The following CAMTA1 variants were observed in gnomAD, a reference collection of about 807,000 sequenced individuals.
CAMTA1 encodes calmodulin-binding transcription activator 1.
Under a neutral mutation model 170.9 loss-of-function variants are expected in CAMTA1, and 27 were observed. That is an observed-to-expected ratio of 0.16 (90% CI 0.12 to 0.22). The LOEUF is 0.22. Ranked by LOEUF, CAMTA1 falls within the 10% of genes least tolerant of loss-of-function variation. The probability of loss-of-function intolerance (pLI) is 1.00; values close to 1 mark genes in which losing one functional copy is unlikely to be tolerated. For synonymous variants in CAMTA1, 833 were observed against 891.5 expected (o/e 0.93, Z 1.17); for missense variants, 1,619 against 2,217.2 (o/e 0.73, Z 5.42).
At chr1:7,655,306 A>G (rs2095887067) in intron 7 of CAMTA1, among the ~76,000 whole-genome samples, 1 of 148,724 alleles carries the variant, frequency 6.7e-6, no homozygotes, top group African/African-American at 2.5e-5. Context: ...CTATACACAC[A>G]CACCGTTATA....
chr1:7,105,491 C>A (rs964792232), intron 4 of CAMTA1, among the ~76,000 whole-genome samples: 1 of 152,190 alleles, frequency 6.6e-6, no homozygotes, highest in African/African-American at 2.4e-5. Context: ...GAGGCAGAGG[C>A]GGATCTGCGG....
At chr1:7,327,972 A>G (rs1015360024) in intron 5 of CAMTA1, among the ~76,000 whole-genome samples, 1 of 152,010 alleles carries the variant, frequency 6.6e-6, no homozygotes, top group African/African-American at 2.4e-5. Context: ...CCCTCCCAGC[A>G]CTTGAAAATA....
At chr1:7,340,270 C>G (rs759773586) in intron 5 of CAMTA1, among the ~76,000 whole-genome samples, 2 of 152,192 alleles carry the variant, frequency 1.3e-5, no homozygotes, top group Non-Finnish European at 2.9e-5. Flanking sequence ...GTCATTTTCT[C>G]TTCTCTGGAA....
rs191245651 is a variant in CAMTA1, at chr1:7,702,518, G to T, written c.2914+24785G>T. ...GTCTCTCCTGTCAGCCTCCACCCCT[G>T]CTGGTCTCTTGCTCACAATCCATTC... On this transcript the variant is annotated intron_variant, in intron 11 of 22. Coordinates refer to ENST00000303635, the MANE Select transcript of CAMTA1 (RefSeq NM_015215.4). 5.2e-3 allele frequency among the ~76,000 whole-genome samples: 794 copies of T among 152,228 alleles called. 4 individuals are homozygous for T. Among genetic ancestry groups the T allele is most frequent in the African/African-American group, 0.014 (602 of 41,520 alleles).
At chr1:6,933,467 C>T (rs1002024608) in intron 3 of CAMTA1, among the ~76,000 whole-genome samples, 2 of 152,098 alleles carry the variant, frequency 1.3e-5, no homozygotes. Flanking sequence ...ACCATGTTGG[C>T]CAGGCTGGTC....
intron 4 of CAMTA1, among the ~76,000 whole-genome samples, chr1:7,180,780 G>A (rs1651986606): frequency 6.6e-6 from 1 of 151,916 alleles, no homozygotes; most frequent in African/African-American, 2.4e-5. Flanking sequence ...CCAAAGTGCT[G>A]GTATTACAGA....
chr1:7,095,936 C>G (rs10864280), intron 4 of CAMTA1, among the ~76,000 whole-genome samples: 38,873 of 152,162 alleles, frequency 0.26, 5,251 homozygotes, highest in African/African-American at 0.33. Context: ...TCCCTGGAAG[C>G]CAGGAACACA....
At chr1:6,799,047 ATTAT>A (rs1643284060) in intron 1 of CAMTA1, among the ~76,000 whole-genome samples, 1 of 151,916 alleles carries the variant, frequency 6.6e-6, no homozygotes, top group Non-Finnish European at 1.5e-5. Flanking sequence ...CTATTTATTT[ATTAT>A]TTATTTATTC....
At chr1:7,553,922 GC>G (rs2094842506) in intron 6 of CAMTA1, among the ~76,000 whole-genome samples, 1 of 152,190 alleles carries the variant, frequency 6.6e-6, no homozygotes, top group African/African-American at 2.4e-5. Context: ...CTGCCCCCCT[GC>G]TCTGTCTCTG....
chr1:7,629,035 G>A (rs2095651490), intron 6 of CAMTA1, among the ~76,000 whole-genome samples: 2 of 152,210 alleles, frequency 1.3e-5, no homozygotes, highest in Non-Finnish European at 2.9e-5. Context: ...GTGCCCCTGC[G>A]AAAGGCCCAT....
intron 3 of CAMTA1, among the ~76,000 whole-genome samples, chr1:6,845,434 C>T (rs1023495635): frequency 1.3e-5 from 2 of 152,166 alleles, no homozygotes; most frequent in Non-Finnish European, 2.9e-5. Context: ...GAAGGGAATC[C>T]TGAGAAAATT....
At chr1:7,726,014 C>T (rs895171246) in intron 11 of CAMTA1, among the ~76,000 whole-genome samples, 2 of 152,184 alleles carry the variant, frequency 1.3e-5, no homozygotes, top group African/African-American at 2.4e-5. Flanking sequence ...GGGTCACGCA[C>T]GGAGAGTCTG....
chr1:7,743,887 C>G (rs915795883), intron 16 of CAMTA1, among the ~76,000 whole-genome samples: 2 of 150,108 alleles, frequency 1.3e-5, no homozygotes, highest in Admixed American at 1.3e-4. Flanking sequence ...AGTGCAGTGG[C>G]GCGATCTTGG....
intron 6 of CAMTA1, among the ~76,000 whole-genome samples, chr1:7,499,976 C>A (rs1358336212): frequency 2.2e-5 from 3 of 136,324 alleles, no homozygotes; most frequent in African/African-American, 5.7e-5. Flanking sequence ...GCCTGGTGTG[C>A]GTGCATAGGT....
intron 4 of CAMTA1, among the ~76,000 whole-genome samples, chr1:7,226,467 T>C (rs1420145317): frequency 6.6e-6 from 1 of 152,136 alleles, no homozygotes; most frequent in East Asian, 1.9e-4. Flanking sequence ...TCTTTCTCTC[T>C]GATAAAGATA....
intron 11 of CAMTA1, among the ~76,000 whole-genome samples, chr1:7,703,631 T>A (rs1460250117): frequency 1.3e-5 from 2 of 152,180 alleles, no homozygotes; most frequent in Non-Finnish European, 2.9e-5. Context: ...TCGAGACACC[T>A]TTTTACCCAG....
chr1:7,741,653 G>T (rs113707991), intron 16 of CAMTA1, among the ~76,000 whole-genome samples: 28,711 of 151,998 alleles, frequency 0.19, 3,078 homozygotes, highest in East Asian at 0.29. Context: ...TTAGCATTTT[G>T]GGAGGCCAAG....
chr1:7,419,716 C>T (rs2091435433), intron 5 of CAMTA1, among the ~76,000 whole-genome samples: 1 of 152,176 alleles, frequency 6.6e-6, no homozygotes. Context: ...ACATGGAGCC[C>T]ACACCCCACC....
intron 4 of CAMTA1, among the ~76,000 whole-genome samples, chr1:7,199,564 G>T (rs1304139507): frequency 1.3e-5 from 2 of 152,186 alleles, no homozygotes; most frequent in Non-Finnish European, 2.9e-5. Context: ...CCGCCGCCTG[G>T]AAGAATTCTT....
Sources: gnomAD v4.1 joint callset for allele counts (sites outside exome capture counted in the v4.1 genomes callset) on GRCh38, gnomAD v4.1.1 for gene constraint, MANE v1.5 for transcripts, NCBI Gene and HGNC (gene_info 2026-07-23, HGNC 2026-07-21) for gene names.